Variants in SFT2D1 observed in about 807,000 individuals in gnomAD.
SFT2D1 encodes vesicle transport protein SFT2A.
A neutral mutation model predicts 28.1 loss-of-function variants in SFT2D1; 24 were observed. That is an observed-to-expected ratio of 0.85 (90% CI 0.62 to 1.20). The LOEUF (loss-of-function observed/expected upper bound fraction) is 1.20, where lower values mean the gene tolerates loss of function less well. Ranked by LOEUF, SFT2D1 falls within the 50% of genes most tolerant of loss-of-function variation. SFT2D1 has a pLI of 0.00. For synonymous variants in SFT2D1, 82 were observed against 73.7 expected (o/e 1.11, Z -0.58); for missense variants, 181 against 190.9 (o/e 0.95, Z 0.31).
At chr6:166,325,023 T>C (rs1439405454) in intron 5 of SFT2D1, among the ~76,000 whole-genome samples, 2 of 152,236 alleles carry the variant, frequency 1.3e-5, no homozygotes, top group African/African-American at 4.8e-5. Flanking sequence ...AGGAAAATTG[T>C]ATTTTATTGT....
Position 166,338,976 on chromosome 6 carries a change from C to A in SFT2D1, c.63+3443G>T, listed in dbSNP as rs182557663. ...ATGACCTTCACTGCCTCGCCCAACT[C>A]CTCAACTGGCCTAGAACCATCCCTG... On this transcript the variant is annotated intron_variant, in intron 1 of 7. Transcript: ENST00000361731. Among the ~76,000 whole-genome samples the A allele has an allele frequency of 4.2e-3, 635 of 152,196 alleles. 10 individuals are homozygous for A. The highest frequency in any genetic ancestry group is 0.014 in the African/African-American group (589 of 41,532).
At chr6:166,323,116 C>A (rs147192211) in intron 6 of SFT2D1, 20 of 431,552 alleles carry the variant, frequency 4.6e-5, no homozygotes, top group Middle Eastern at 4.0e-4. Context: ...TAACAAGCAA[C>A]CTGCACTTTA....
Position 166,320,173 on chromosome 6 carries a change from A to G in SFT2D1, c.*44T>C, listed in dbSNP as rs758972323. The G allele has an allele frequency of 1.9e-6, 3 of 1,590,238 alleles. No individual in the cohort carries two copies. The highest frequency in any genetic ancestry group is 2.2e-5 in the East Asian group (1 of 44,670). ...GGGAAAAGCAAACTTCACCAAACAT[A>G]GAGTACCAACATTCAAGTGCTCTTT... On this transcript the variant is annotated 3_prime_UTR_variant, in exon 8 of 8. Coordinates refer to ENST00000361731, the MANE Select transcript of SFT2D1 (RefSeq NM_145169.3).
Position 166,320,256 on chromosome 6 carries a change from C to T in SFT2D1, c.441G>A (p.Arg147=), listed in dbSNP as rs746791538. The T allele has an allele frequency of 6.2e-7, 1 of 1,609,622 alleles. No individual in the cohort carries two copies. The highest frequency in any genetic ancestry group is 8.5e-7 in the Non-Finnish European group (1 of 1,178,412). The change falls in exon 8 of 8, where the codon AGG becomes AGA. Residue 147 remains arginine (R), a splice_region_variant and synonymous_variant. Coordinates refer to ENST00000361731, the MANE Select transcript of SFT2D1 (RefSeq NM_145169.3). ...AAGAACAGCATTTAATAACTGCATC[C>T]CTGGTGGAAAAGAGAGGGAAAAAAA... is the stretch of plus-strand genomic sequence containing the variant. ...WYSLSYIPYA[R]DAVIKCCSSL...
chr6:166,339,724 G>T (rs2114915507), intron 1 of SFT2D1, among the ~76,000 whole-genome samples: 1 of 152,188 alleles, frequency 6.6e-6, no homozygotes, highest in South Asian at 2.1e-4. Context: ...ACTTTCTGGG[G>T]CATCCTTCTC....
At chr6:166,322,991 G>A (rs1223948219) in intron 6 of SFT2D1, 105 bp from the exon 7 acceptor site, 6 of 867,026 alleles carry the variant, frequency 6.9e-6, no homozygotes, top group African/African-American at 1.7e-5. Context: ...GCATGAGACT[G>A]TACAGTGGTT....
intron 7 of SFT2D1, 95 bp from the exon 8 acceptor site, chr6:166,320,351 C>T (rs1290721088): frequency 1.1e-6 from 1 of 905,714 alleles, no homozygotes; most frequent in Non-Finnish European, 1.7e-6. Flanking sequence ...TTTAACAGAA[C>T]TCAATGGATG....
chr6:166,321,820 C>T (rs781377054), intron 7 of SFT2D1, among the ~76,000 whole-genome samples: 22 of 152,224 alleles, frequency 1.4e-4, no homozygotes, highest in Non-Finnish European at 3.1e-4. Context: ...TACCTCTTGA[C>T]ATACAATTAA....
chr6:166,336,124 C>T (rs1295119593), intron 1 of SFT2D1, among the ~76,000 whole-genome samples: 1 of 152,120 alleles, frequency 6.6e-6, no homozygotes, highest in East Asian at 1.9e-4. Context: ...AAGTTAGTCT[C>T]CTCGGAAGCC....
At chr6:166,339,307 C>A (rs1198055497) in intron 1 of SFT2D1, among the ~76,000 whole-genome samples, 5 of 152,106 alleles carry the variant, frequency 3.3e-5, no homozygotes. Context: ...ACTTCCTGCC[C>A]CTTCCTCCTC....
intron 1 of SFT2D1, among the ~76,000 whole-genome samples, chr6:166,336,725 A>G (rs942675822): frequency 6.6e-6 from 1 of 152,070 alleles, no homozygotes; most frequent in African/African-American, 2.4e-5. Context: ...ACACACCATC[A>G]CGCTCAACTA....
intron 1 of SFT2D1, among the ~76,000 whole-genome samples, chr6:166,334,150 C>A (rs1168423762): frequency 1.3e-5 from 2 of 152,226 alleles, no homozygotes; most frequent in Admixed American, 1.3e-4. Context: ...CTTCACCTTC[C>A]AGCCTCTGTA....
chr6:166,325,791 T>G, intron 5 of SFT2D1: 2 of 315,862 alleles, frequency 6.3e-6, no homozygotes, highest in South Asian at 4.8e-5. Context: ...CTATGGCACA[T>G]TTAGCCACCA....
In SFT2D1 at chr6:166,320,008, T is replaced by C. The variant is rs532007279; in HGVS notation, c.*209A>G. ...TAAAAATCTTATCTTTGGAAAAGTA[T>C]ATTAATGACACATAATGAATTTAAA... On this transcript the variant is annotated 3_prime_UTR_variant, in exon 8 of 8. Coordinates refer to ENST00000361731, the MANE Select transcript of SFT2D1 (RefSeq NM_145169.3). 10 of 493,248 alleles carry C rather than the reference T, an allele frequency of 2.0e-5. No homozygotes were observed. The South Asian group carries it at 2.1e-4, about 11-fold the overall frequency. The allele number at this position is 493,248 out of a possible 1,614,324, so 30.6% of individuals were successfully genotyped here.
At chr6:166,333,075 C>T (rs756110101) in intron 1 of SFT2D1, among the ~76,000 whole-genome samples, 2 of 152,206 alleles carry the variant, frequency 1.3e-5, no homozygotes, top group Non-Finnish European at 2.9e-5. Context: ...CTAATGATGA[C>T]ACTGAATCCA....
chr6:166,326,099 T>C (rs900263707), intron 5 of SFT2D1, 33 bp downstream of exon 5: 2 of 1,607,032 alleles, frequency 1.2e-6, no homozygotes. Flanking sequence ...GGCACACAGT[T>C]AACTGAAAGC....
chr6:166,342,207 G>GC (rs1778796356), intron 1 of SFT2D1, among the ~76,000 whole-genome samples: 2 of 152,134 alleles, frequency 1.3e-5, no homozygotes, highest in South Asian at 4.2e-4. Flanking sequence ...AGTCGGGGGG[G>GC]GGCCTCAAAG....
At chr6:166,324,468 G>A (rs1778408526) in intron 6 of SFT2D1, 69 bp downstream of exon 6, 1 of 1,477,324 alleles carries the variant, frequency 6.8e-7, no homozygotes, top group East Asian at 2.3e-5. Context: ...GGGCTTCACA[G>A]GTCCCAAACA....
chr6:166,342,389 C>T (rs1778802122), intron 1 of SFT2D1, 30 bp downstream of exon 1: 2 of 1,542,078 alleles, frequency 1.3e-6, no homozygotes, highest in African/African-American at 1.4e-5. Context: ...CGGGCAGCCC[C>T]GGGACTGGAC....
Sources: gnomAD v4.1 joint callset for allele counts (sites outside exome capture counted in the v4.1 genomes callset) on GRCh38, gnomAD v4.1.1 for gene constraint, MANE v1.5 for transcripts, NCBI Gene and HGNC (gene_info 2026-07-23, HGNC 2026-07-21) for gene names.